The following ARHGEF4 variants were observed in gnomAD, a reference collection of about 807,000 sequenced individuals.
ARHGEF4 encodes the protein APC-stimulated guanine nucleotide exchange factor 1.
Under a neutral mutation model 162.0 loss-of-function variants are expected in ARHGEF4, and 119 were observed. The observed-to-expected ratio is 0.73, with a 90% confidence interval of 0.63 to 0.86. The LOEUF is 0.86. ARHGEF4 is among the 40% of genes least tolerant of loss of function. The probability of loss-of-function intolerance (pLI) is 0.00; values close to 1 mark genes in which losing one functional copy is unlikely to be tolerated. For synonymous variants in ARHGEF4, 1,014 were observed against 979.9 expected (o/e 1.03, Z -0.65); for missense variants, 2,488 against 2,456.0 (o/e 1.01, Z -0.28).
At chr2:130,942,278 T>G (rs924397548) in intron 3 of ARHGEF4, among the ~76,000 whole-genome samples, 6 of 151,520 alleles carry the variant, frequency 4.0e-5, no homozygotes, top group African/African-American at 1.5e-4. Flanking sequence ...GCCTCCTGAG[T>G]AGCTGGGACT....
chr2:130,838,429 A>AACCCC (rs1680357301), intron 1 of ARHGEF4, among the ~76,000 whole-genome samples: 1 of 152,066 alleles, frequency 6.6e-6, no homozygotes, highest in Non-Finnish European at 1.5e-5. Flanking sequence ...AACATGTCAA[A>AACCCC]ACCCCGTCTC....
intron 4 of ARHGEF4, among the ~76,000 whole-genome samples, chr2:130,950,692 C>A (rs938046547): frequency 7.0e-6 from 1 of 143,300 alleles, no homozygotes; most frequent in African/African-American, 2.8e-5. Context: ...TATTACCCCC[C>A]ACCACCACCC....
chr2:130,994,462 T>C (rs1687250465), intron 4 of ARHGEF4, among the ~76,000 whole-genome samples: 1 of 152,254 alleles, frequency 6.6e-6, no homozygotes, highest in Non-Finnish European at 1.5e-5. Context: ...ATCAGGACTT[T>C]TAACATCTTC....
At position 131,041,839 on chromosome 2, in the gene ARHGEF4, C is replaced by G. The variant is rs1042925933; in HGVS notation, c.4920C>G (p.Ala1640=). 3.1e-6 allele frequency: 5 copies of G among 1,613,428 alleles called. No homozygotes were observed. Among genetic ancestry groups the G allele is most frequent in the Non-Finnish European group, 4.2e-6 (5 of 1,180,006 alleles). The part of the protein sequence containing the change: ...QHRDFKDVEA[A]LHAMKNVAQL... The stretch of plus-strand genomic sequence containing the variant: ...GGGACTTCAAGGATGTTGAAGCCGC[C>G]TTGCATGCCATGAAGAACGTGGCCC... The change falls in exon 10 of 14, where the codon GCC becomes GCG. Residue 1640 remains alanine, a synonymous_variant. Coordinates refer to ENST00000409359, the MANE Select transcript of ARHGEF4 (RefSeq NM_001367493.1).
At chr2:130,987,270 G>A (rs1192129706) in intron 4 of ARHGEF4, among the ~76,000 whole-genome samples, 1 of 152,202 alleles carries the variant, frequency 6.6e-6, no homozygotes, top group Admixed American at 6.5e-5. Flanking sequence ...GACAGTGGTG[G>A]ACTTTGTTCA....
chr2:130,986,059 G>A (rs982739625), intron 4 of ARHGEF4, among the ~76,000 whole-genome samples: 7 of 151,930 alleles, frequency 4.6e-5, no homozygotes, highest in African/African-American at 1.7e-4. Flanking sequence ...TATATGTTAT[G>A]TGTGTAGTGT....
chr2:130,949,129 T>A (rs988094788), intron 4 of ARHGEF4, among the ~76,000 whole-genome samples: 1 of 152,192 alleles, frequency 6.6e-6, no homozygotes, highest in Non-Finnish European at 1.5e-5. Flanking sequence ...GTTTTGTTTT[T>A]TTCTCACCTG....
chr2:130,873,355 G>T (rs891140887), intron 1 of ARHGEF4, among the ~76,000 whole-genome samples: 4 of 152,160 alleles, frequency 2.6e-5, no homozygotes, highest in Non-Finnish European at 5.9e-5. Flanking sequence ...TTGGGAGGCC[G>T]AGGCGGGTGG....
chr2:130,958,206 C>G (rs1053400302), intron 4 of ARHGEF4, among the ~76,000 whole-genome samples: 2 of 151,996 alleles, frequency 1.3e-5, no homozygotes, highest in South Asian at 4.2e-4. Flanking sequence ...GAAGAAAGAT[C>G]CCTGGCTGAG....
chr2:131,035,367 C>A, intron 5 of ARHGEF4: 1 of 1,026,080 alleles, frequency 9.7e-7, no homozygotes, highest in Non-Finnish European at 1.2e-6. Context: ...GGCCTCCTTC[C>A]ACCCCATGTG....
chr2:130,931,656 A>G (rs939914199), intron 3 of ARHGEF4, among the ~76,000 whole-genome samples: 5 of 152,226 alleles, frequency 3.3e-5, no homozygotes, highest in African/African-American at 1.2e-4. Flanking sequence ...CAATAAGACA[A>G]TCTTAACCAA....
intron 4 of ARHGEF4, among the ~76,000 whole-genome samples, chr2:130,977,977 G>A (rs1236036227): frequency 6.6e-6 from 1 of 152,240 alleles, no homozygotes; most frequent in Non-Finnish European, 1.5e-5. Context: ...AAATGTAACA[G>A]TGTGTGAGAA....
At position 130,976,549 on chromosome 2, in the gene ARHGEF4, A is replaced by G. The variant is rs917313543; in HGVS notation, c.3985+29914A>G. ...GAATTTCGGTCACTAAAGTCAGCCA[A>G]TAACTGTGCCAGCCAGTGATTCACA... On this transcript the variant is annotated intron_variant, in intron 4 of 13. Transcript: ENST00000409359. Among the ~76,000 whole-genome samples the G allele has an allele frequency of 2.6e-5, 4 of 152,206 alleles. No homozygotes were observed. The East Asian group carries it at 7.7e-4, about 29-fold the overall frequency.
chr2:131,041,778 C>T, intron 9 of ARHGEF4, 37 bp from the exon 10 acceptor site: 1 of 1,603,214 alleles, frequency 6.2e-7, no homozygotes, highest in South Asian at 1.1e-5. Flanking sequence ...TCTCTGTCTC[C>T]AGCCTGCAGC....
chr2:130,970,216 T>C (rs1200772712), intron 4 of ARHGEF4, among the ~76,000 whole-genome samples: 1 of 152,240 alleles, frequency 6.6e-6, no homozygotes, highest in Non-Finnish European at 1.5e-5. Flanking sequence ...AACTGTCAAC[T>C]CTTTCAAAGT....
chr2:130,922,922 T>TGA (rs1393367178), intron 2 of ARHGEF4, among the ~76,000 whole-genome samples: 3 of 40,760 alleles, frequency 7.4e-5, no homozygotes, highest in African/African-American at 1.0e-4. Context: ...CCCTCTTTAA[T>TGA]GATATATATA....
chr2:131,039,925 C>T (rs1690638226), intron 6 of ARHGEF4, 91 bp from the exon 7 acceptor site: 1 of 1,489,776 alleles, frequency 6.7e-7, no homozygotes, highest in Non-Finnish European at 8.9e-7. Context: ...CCTGCGGGGC[C>T]TCCGAGGCCC....
intron 5 of ARHGEF4, among the ~76,000 whole-genome samples, chr2:131,029,846 A>G (rs1558873564): frequency 6.6e-6 from 1 of 152,110 alleles, no homozygotes; most frequent in African/African-American, 2.4e-5. Context: ...AAGCCACCAC[A>G]CTCGGCCAGT....
At chr2:131,002,377 A>G (rs1455165371) in intron 4 of ARHGEF4, among the ~76,000 whole-genome samples, 1 of 152,068 alleles carries the variant, frequency 6.6e-6, no homozygotes, top group African/African-American at 2.4e-5. Context: ...GGAGATCGAG[A>G]CCATCCTGGC....
Sources: allele counts gnomAD v4.1 joint callset (sites outside exome capture counted in the v4.1 genomes callset), GRCh38; gene constraint gnomAD v4.1.1; transcripts MANE v1.5; gene names NCBI Gene and HGNC (gene_info 2026-07-23, HGNC 2026-07-21).